Variants in CAV1 observed in about 807,000 individuals in gnomAD.
The protein encoded by CAV1 is caveolin 1.
A neutral mutation model predicts 16.5 loss-of-function variants in CAV1; 10 were observed. The ratio of observed to expected loss-of-function variants is 0.61; its 90% CI spans 0.37 to 1.03. CAV1 has a LOEUF of 1.03. Among genes scored for constraint, CAV1 ranks in the 50% least tolerant of loss-of-function variants. The probability of loss-of-function intolerance (pLI) is 0.01; values close to 1 mark genes in which losing one functional copy is unlikely to be tolerated. For synonymous variants in CAV1, 76 were observed against 85.1 expected, an observed-to-expected ratio of 0.89 and a Z score of 0.59; for missense variants, 212 against 232.8, an observed-to-expected ratio of 0.91 and a Z score of 0.58.
At chr7:116,544,289 C>T (rs1793997852) in intron 2 of CAV1, among the ~76,000 whole-genome samples, 1 of 152,172 alleles carries the variant, frequency 6.6e-6, no homozygotes, top group African/African-American at 2.4e-5. Flanking sequence ...ATTCTCCTTT[C>T]CCTGGGAGAT....
At chr7:116,539,923 G>A (rs1398352230) in intron 2 of CAV1, among the ~76,000 whole-genome samples, 2 of 152,186 alleles carry the variant, frequency 1.3e-5, no homozygotes, top group Non-Finnish European at 2.9e-5. Flanking sequence ...AGGGAGGGGT[G>A]AAAGGAGTGC....
At chr7:116,548,642 T>G (rs1449333373) in intron 2 of CAV1, among the ~76,000 whole-genome samples, 2 of 152,182 alleles carry the variant, frequency 1.3e-5, no homozygotes, top group South Asian at 2.1e-4. Flanking sequence ...GACGCTTGCA[T>G]AAACAGCACA....
intron 2 of CAV1, among the ~76,000 whole-genome samples, chr7:116,548,226 C>T (rs1794093185): frequency 6.6e-6 from 1 of 152,160 alleles, no homozygotes. Context: ...CAAGCATCCC[C>T]AGAAATTTCT....
chr7:116,559,790 T>C lies in CAV1; in HGVS notation c.*503T>C, dbSNP rs1007005977. 7.2e-6 allele frequency: 3 copies of C among 414,720 alleles called. No homozygotes were observed. The highest frequency in any genetic ancestry group is 1.3e-5 in the Non-Finnish European group (3 of 236,132). The allele number at this position is 414,720 out of a possible 1,614,324, so 25.7% of individuals were successfully genotyped here. A position where few individuals can be genotyped will look rare whatever the true frequency, so the allele number is the denominator to read the frequency against. On this transcript the variant is annotated 3_prime_UTR_variant, in exon 3 of 3. Transcript: ENST00000341049. ...GAGTTAGTGGATTACTGCCATTCAC[T>C]TCATAATCCAGTAGGATCCAGTGAT...
chr7:116,544,901 G>C (rs1400378422), intron 2 of CAV1, among the ~76,000 whole-genome samples: 4 of 152,088 alleles, frequency 2.6e-5, no homozygotes, highest in Non-Finnish European at 5.9e-5. Context: ...CCCCTTTTCA[G>C]TTACCCATGG....
Position 116,558,965 on chromosome 7 carries a change from T to C in CAV1, c.215T>C (p.Ile72Thr), listed in dbSNP as rs1794346874. The C allele has an allele frequency of 6.2e-7, 1 of 1,613,540 alleles. No individual in the cohort carries two copies. Residue 72 changes from isoleucine to threonine, a missense_variant, in exon 3 of 3, where the codon ATT becomes ACT. Physicochemically the swap from Ile to Thr is moderately conservative, Grantham distance 89. Transcript: ENST00000341049. ...TTTTAGATTGACTTTGAAGATGTGA[T>C]TGCAGAACCAGAAGGGACACACAGT... ...DVVKIDFEDVIAEPEGTHSFD... is the reference protein window; with the variant it reads ...DVVKIDFEDVTAEPEGTHSFD...
intron 2 of CAV1, among the ~76,000 whole-genome samples, chr7:116,534,389 A>ATT (rs1309115810): frequency 3.3e-4 from 3 of 8,990 alleles, no homozygotes; most frequent in African/African-American, 6.0e-4. Flanking sequence ...ATATATATAT[A>ATT]TATATATTTT....
At chr7:116,530,846 G>C (rs1477475858) in intron 2 of CAV1, among the ~76,000 whole-genome samples, 1 of 152,164 alleles carries the variant, frequency 6.6e-6, no homozygotes, top group Admixed American at 6.5e-5. Flanking sequence ...ATAAATGACT[G>C]CAAGCATCGG....
chr7:116,545,904 G>A (rs1794035760), intron 2 of CAV1, among the ~76,000 whole-genome samples: 1 of 152,190 alleles, frequency 6.6e-6, no homozygotes, highest in African/African-American at 2.4e-5. Flanking sequence ...AAGAATCCAG[G>A]CCTCTGGATG....
chr7:116,555,542 GAGAAAGAAAGAAAGAA>G (rs1225761657), intron 2 of CAV1, among the ~76,000 whole-genome samples: 61 of 12,136 alleles, frequency 5.0e-3, no homozygotes, highest in Non-Finnish European at 5.6e-3. Context: ...GAGAGAGAGA[GAGAAAGAAAGAAAGAA>G]AGAAAGAAAG....
rs1422714603 is a variant in CAV1 at position 116,561,001 on chromosome 7, A to G, written c.*1714A>G. The G allele has an allele frequency of 6.6e-6, 1 of 152,654 alleles. No individual in the cohort carries two copies. The highest frequency in any genetic ancestry group is 1.5e-5 in the Non-Finnish European group (1 of 68,034). The allele number at this position is 152,654 out of a possible 1,614,324, so 9.5% of individuals were successfully genotyped here. A position where few individuals can be genotyped will look rare whatever the true frequency, so the allele number is the denominator to read the frequency against. The stretch of plus-strand genomic sequence containing the variant: ...GAAATGGCTTTGTGATTCAATCTGT[A>G]AACTGTGTATTCCAAGACATGTCTG... On this transcript the variant is annotated 3_prime_UTR_variant, in exon 3 of 3. Transcript: ENST00000341049.
chr7:116,558,889 G>GT lies in CAV1; in HGVS notation c.196-49dup, dbSNP rs1210911420. ...TATGTCTATGGATACTGAATAGTGGGTTTTTTTTCTCTTTTCTTCTATTCT... is the reference window on the plus strand; with the variant it reads ...TATGTCTATGGATACTGAATAGTGGGTTTTTTTTTCTCTTTTCTTCTATTCT... On this transcript the variant is annotated intron_variant, in intron 2 of 2. Coordinates refer to ENST00000341049, the MANE Select transcript of CAV1 (RefSeq NM_001753.5). The GT allele has an allele frequency of 6.6e-5, 88 of 1,338,084 alleles. 1 individual carries two copies. The highest frequency in any genetic ancestry group is 7.5e-5 in the Non-Finnish European group (71 of 943,790). 82.9% of individuals were successfully genotyped at this position (1,338,084 alleles called of 1,614,324 possible).
At chr7:116,533,628 C>T (rs2115969161) in intron 2 of CAV1, among the ~76,000 whole-genome samples, 1 of 152,138 alleles carries the variant, frequency 6.6e-6, no homozygotes, top group Non-Finnish European at 1.5e-5. Context: ...ATTGTTTTAG[C>T]CAGGATATAA....
chr7:116,528,425 A>C (rs563793695), intron 2 of CAV1, among the ~76,000 whole-genome samples: 4 of 152,260 alleles, frequency 2.6e-5, no homozygotes, highest in Non-Finnish European at 5.9e-5. Flanking sequence ...AAATTAAAAG[A>C]AAAAGCTAGA....
chr7:116,548,662 G>A (rs185285814), intron 2 of CAV1, among the ~76,000 whole-genome samples: 8 of 152,170 alleles, frequency 5.3e-5, no homozygotes, highest in Admixed American at 5.2e-4. Context: ...AAGGAGTTTG[G>A]GGTGGGGTTA....
At position 116,531,521 on chromosome 7, in the gene CAV1, C is replaced by T. The variant is rs551058539; in HGVS notation, c.195+4832C>T. Among the ~76,000 whole-genome samples the T allele has an allele frequency of 1.8e-4, 28 of 152,270 alleles. No individual in the cohort carries two copies. In the East Asian group the frequency reaches 4.8e-3, roughly 26 times the overall value. On this transcript the variant is annotated intron_variant, in intron 2 of 2. Transcript: ENST00000341049. ...TTCTAGAGCAATTGGTGATTAATAT[C>T]AGTATAACAGTCATTTATAAAATTA...
chr7:116,539,728 C>T (rs147257477), intron 2 of CAV1, among the ~76,000 whole-genome samples: 95 of 152,208 alleles, frequency 6.2e-4, no homozygotes, highest in Middle Eastern at 3.4e-3. Context: ...AGTAAGCAAG[C>T]TGTGGCATCC....
At chr7:116,525,667 C>A in intron 1 of CAV1, 2 of 1,090,026 alleles carry the variant, frequency 1.8e-6, no homozygotes, top group South Asian at 2.9e-5. Flanking sequence ...CCCCAAACTG[C>A]CACCATCACT....
chr7:116,555,523 AGAGAGAGAGAGAGAGAG>A (rs1562838257), intron 2 of CAV1, among the ~76,000 whole-genome samples: 302 of 8,312 alleles, frequency 0.036, 51 homozygotes, highest in South Asian at 0.073. Flanking sequence ...AAAGAAAGAG[AGAGAGAGAGAGAGAGAG>A]AGAGAAAGAA....
Sources: gnomAD v4.1 joint callset for allele counts (sites outside exome capture counted in the v4.1 genomes callset) on GRCh38, gnomAD v4.1.1 for gene constraint, MANE v1.5 for transcripts, NCBI Gene and HGNC (gene_info 2026-07-23, HGNC 2026-07-21) for gene names.